Variants in LINGO2 observed in about 807,000 individuals in gnomAD.
LINGO2 encodes the protein leucine-rich repeat and immunoglobulin-like domain-containing nogo receptor-interacting protein 2.
In LINGO2, 14 loss-of-function variants were observed where a neutral mutation model predicts 30.6. That is an observed-to-expected ratio of 0.46 (90% CI 0.30 to 0.72). The LOEUF is 0.72. Among genes scored for constraint, LINGO2 ranks in the 30% least tolerant of loss-of-function variants. LINGO2 has a pLI of 0.07. For synonymous variants in LINGO2, 317 were observed against 288.5 expected (o/e 1.10, Z -1.00); for missense variants, 729 against 751.7 (o/e 0.97, Z 0.35).
the LINGO2 span, among the ~76,000 whole-genome samples, chr9:29,009,420 C>T: frequency 2.9e-4 from 44 of 152,224 alleles, no homozygotes; most frequent in Middle Eastern, 6.8e-3. Context: ...TGAGTGAACT[C>T]CCATTCACAA....
the LINGO2 span, among the ~76,000 whole-genome samples, chr9:28,960,737 C>A: frequency 6.7e-6 from 1 of 149,042 alleles, no homozygotes; most frequent in East Asian, 2.0e-4. Context: ...AAATAGGTTA[C>A]AAAAACCACT....
At chr9:28,720,772 TC>T in the LINGO2 span, among the ~76,000 whole-genome samples, 1 of 152,066 alleles carries the variant, frequency 6.6e-6, no homozygotes, top group Non-Finnish European at 1.5e-5. Flanking sequence ...TGTGGTCCCT[TC>T]AATATAACGC....
At chr9:28,714,164 A>AATCTATAT in the LINGO2 span, among the ~76,000 whole-genome samples, 3 of 117,158 alleles carry the variant, frequency 2.6e-5, no homozygotes, top group African/African-American at 1.0e-4. Flanking sequence ...TGCCTCAAAT[A>AATCTATAT]ATATATATAT....
chr9:28,238,068 G>T (rs989072491), intron 4 of LINGO2, among the ~76,000 whole-genome samples: 1 of 151,748 alleles, frequency 6.6e-6, no homozygotes, highest in South Asian at 2.1e-4. Flanking sequence ...TAGTCAATTC[G>T]GCATAAGGAT....
At chr9:28,667,922 G>A (rs750041492) in intron 1 of LINGO2, among the ~76,000 whole-genome samples, 2 of 152,084 alleles carry the variant, frequency 1.3e-5, no homozygotes, top group Non-Finnish European at 2.9e-5. Context: ...TGTTCAATGT[G>A]CCTGTATTGT....
At chr9:28,741,280 G>T in the LINGO2 span, among the ~76,000 whole-genome samples, 1 of 151,986 alleles carries the variant, frequency 6.6e-6, no homozygotes, top group Admixed American at 6.6e-5. Context: ...TGAAGTCAGG[G>T]GTGGTGACCT....
At chr9:28,632,847 AT>A (rs1301752118) in intron 1 of LINGO2, among the ~76,000 whole-genome samples, 10 of 117,114 alleles carry the variant, frequency 8.5e-5, no homozygotes, top group Admixed American at 7.6e-4. Flanking sequence ...ATAAATCTAT[AT>A]ATATTTTTTA....
chr9:28,727,241 A>ACAGGG, the LINGO2 span, among the ~76,000 whole-genome samples: 1 of 152,132 alleles, frequency 6.6e-6, no homozygotes, highest in Admixed American at 6.5e-5. Context: ...AATAGCGTTA[A>ACAGGG]AGTACCTGTC....
At chr9:27,966,739 A>T (rs947533256) in intron 5 of LINGO2, among the ~76,000 whole-genome samples, 5 of 151,282 alleles carry the variant, frequency 3.3e-5, no homozygotes, top group Admixed American at 2.0e-4. Flanking sequence ...CAGTAAAATT[A>T]AAAAAAGAAA....
At chr9:28,696,397 A>C in the LINGO2 span, among the ~76,000 whole-genome samples, 1 of 151,912 alleles carries the variant, frequency 6.6e-6, no homozygotes, top group Non-Finnish European at 1.5e-5. Context: ...CAAAACGATA[A>C]GCAAATTTAC....
intron 1 of LINGO2, among the ~76,000 whole-genome samples, chr9:28,622,644 G>C (rs1424365583): frequency 6.6e-6 from 1 of 151,920 alleles, no homozygotes. Context: ...TGTAAACAGT[G>C]CTGCAACAAA....
At chr9:28,965,366 A>G in the LINGO2 span, among the ~76,000 whole-genome samples, 5 of 152,032 alleles carry the variant, frequency 3.3e-5, no homozygotes, top group African/African-American at 7.2e-5. Context: ...AAATACTAGG[A>G]TTTTATTTCA....
intron 1 of LINGO2, among the ~76,000 whole-genome samples, chr9:28,550,729 A>T (rs1303051810): frequency 3.3e-5 from 5 of 151,816 alleles, no homozygotes; most frequent in African/African-American, 1.2e-4. Context: ...AGAATAGTAA[A>T]CACCAGTGAA....
chr9:29,084,479 A>G, the LINGO2 span, among the ~76,000 whole-genome samples: 1 of 152,070 alleles, frequency 6.6e-6, no homozygotes, highest in East Asian at 1.9e-4. Context: ...TCAGTTTTCC[A>G]TTTTGCAGGG....
At chr9:28,982,302 C>A in the LINGO2 span, among the ~76,000 whole-genome samples, 2,900 of 152,098 alleles carry the variant, frequency 0.019, 108 homozygotes, top group African/African-American at 0.066. Context: ...TCATTTAAGT[C>A]TTTTACTAAT....
chr9:28,169,808 G>C (rs923730839), intron 4 of LINGO2, among the ~76,000 whole-genome samples: 8 of 152,174 alleles, frequency 5.3e-5, no homozygotes, highest in Non-Finnish European at 8.8e-5. Flanking sequence ...ATGAGAGAAA[G>C]AGTAGCTTAA....
At chr9:28,150,237 C>A (rs143619577) in intron 4 of LINGO2, among the ~76,000 whole-genome samples, 3 of 151,940 alleles carry the variant, frequency 2.0e-5, no homozygotes, top group Non-Finnish European at 4.4e-5. Flanking sequence ...GCCCCCTCAC[C>A]ATCTGGGAAG....
At chr9:29,060,933 G>A in the LINGO2 span, among the ~76,000 whole-genome samples, 10 of 151,902 alleles carry the variant, frequency 6.6e-5, no homozygotes, top group African/African-American at 2.4e-4. Flanking sequence ...TAGAGACCCA[G>A]GATAGGTAAA....
intron 1 of LINGO2, among the ~76,000 whole-genome samples, chr9:28,494,647 T>C (rs1027780775): frequency 2.9e-4 from 44 of 152,214 alleles, no homozygotes; most frequent in African/African-American, 1.0e-3. Flanking sequence ...TTCCAAGTCT[T>C]TGCTATTGTG....
Sources: gnomAD v4.1 joint callset for allele counts (sites outside exome capture counted in the v4.1 genomes callset) on GRCh38, gnomAD v4.1.1 for gene constraint, MANE v1.5 for transcripts, NCBI Gene and HGNC (gene_info 2026-07-23, HGNC 2026-07-21) for gene names.